RANBP17: variants seen among roughly 807,000 people sequenced by gnomAD.
RANBP17 encodes the protein ran-binding protein 17.
A neutral mutation model predicts 141.2 loss-of-function variants in RANBP17; 158 were observed. That is an observed-to-expected ratio of 1.12 (90% CI 0.98 to 1.28). The LOEUF (loss-of-function observed/expected upper bound fraction) is 1.28. Among genes scored for constraint, RANBP17 ranks in the 50% most tolerant of loss-of-function variants. The probability of loss-of-function intolerance (pLI) is 0.00; values close to 1 mark genes in which losing one functional copy is unlikely to be tolerated. For synonymous variants in RANBP17, 430 were observed against 450.0 expected (o/e 0.96, Z 0.56); for missense variants, 1,438 against 1,290.7 (o/e 1.11, Z -1.75).
chr5:170,978,792 A>ATATGTATATATATGTATG (rs1480856452), intron 14 of RANBP17, among the ~76,000 whole-genome samples: 155 of 93,506 alleles, frequency 1.7e-3, no homozygotes, highest in African/African-American at 4.3e-3. Context: ...AAATGAGTGT[A>ATATGTATATATATGTATG]TACATATATA....
At chr5:170,946,641 A>G (rs1239943466) in intron 12 of RANBP17, among the ~76,000 whole-genome samples, 1 of 152,154 alleles carries the variant, frequency 6.6e-6, no homozygotes, top group African/African-American at 2.4e-5. Context: ...TTTTTTAAGT[A>G]TGTTTCTGTA....
chr5:171,202,475 A>T (rs915437355), intron 19 of RANBP17, among the ~76,000 whole-genome samples: 1 of 152,198 alleles, frequency 6.6e-6, no homozygotes, highest in African/African-American at 2.4e-5. Flanking sequence ...AAACTCCACA[A>T]TGTTAAATTA....
chr5:171,213,851 G>C, intron 21 of RANBP17, 113 bp downstream of exon 21: 1 of 794,250 alleles, frequency 1.3e-6, no homozygotes, highest in Non-Finnish European at 2.2e-6. Flanking sequence ...AAGAGCCCAG[G>C]AACCAAGACT....
chr5:171,152,165 C>G (rs1392649391), intron 14 of RANBP17, among the ~76,000 whole-genome samples: 1 of 151,820 alleles, frequency 6.6e-6, no homozygotes, highest in East Asian at 1.9e-4. Context: ...GTAATCCCAG[C>G]ACTTTGGGAG....
intron 14 of RANBP17, among the ~76,000 whole-genome samples, chr5:171,093,660 G>A (rs1352804627): frequency 2.0e-5 from 3 of 152,130 alleles, no homozygotes; most frequent in African/African-American, 7.2e-5. Context: ...AAATTTATTG[G>A]TTATTTTCAG....
intron 24 of RANBP17, among the ~76,000 whole-genome samples, chr5:171,251,252 C>CT (rs1408301154): frequency 2.9e-4 from 43 of 147,364 alleles, no homozygotes; most frequent in Admixed American, 1.6e-3. Context: ...CCATGCCCAG[C>CT]TTTTTTTTTT....
intron 9 of RANBP17, 45 bp from the exon 10 acceptor site, chr5:170,918,668 T>C: frequency 6.5e-7 from 1 of 1,531,118 alleles, no homozygotes; most frequent in Non-Finnish European, 8.8e-7. Context: ...TTATTGTCCA[T>C]AGGTTGGCTT....
At chr5:171,034,048 G>A (rs1204781226) in intron 14 of RANBP17, among the ~76,000 whole-genome samples, 1 of 152,054 alleles carries the variant, frequency 6.6e-6, no homozygotes, top group East Asian at 1.9e-4. Flanking sequence ...GGAGTTTGAG[G>A]CTCTAGTGAA....
At chr5:170,958,264 A>T (rs1775881889) in intron 13 of RANBP17, among the ~76,000 whole-genome samples, 1 of 152,100 alleles carries the variant, frequency 6.6e-6, no homozygotes, top group South Asian at 2.1e-4. Flanking sequence ...CTCTTTGAGG[A>T]GCTGCTGGGA....
chr5:170,888,038 G>T (rs1472390678), intron 3 of RANBP17, among the ~76,000 whole-genome samples: 1 of 152,190 alleles, frequency 6.6e-6, no homozygotes, highest in East Asian at 1.9e-4. Context: ...TGTAGCTGTT[G>T]ATGTGTCATT....
chr5:170,862,134 C>T (rs1363322882), intron 1 of RANBP17, 83 bp downstream of exon 1: 4 of 1,341,844 alleles, frequency 3.0e-6, no homozygotes, highest in Non-Finnish European at 2.9e-6. Flanking sequence ...GGGCCGAGGA[C>T]AGCGGCGGAG....
intron 19 of RANBP17, among the ~76,000 whole-genome samples, chr5:171,204,270 T>C (rs1222570964): frequency 6.6e-6 from 1 of 152,176 alleles, no homozygotes; most frequent in Non-Finnish European, 1.5e-5. Flanking sequence ...ATAAATAACA[T>C]CCAGTTATAT....
chr5:171,039,245 G>GTTTTTTT (rs57258448), intron 14 of RANBP17, among the ~76,000 whole-genome samples: 12 of 125,422 alleles, frequency 9.6e-5, no homozygotes, highest in African/African-American at 1.8e-4. Flanking sequence ...TCTGTTGTTG[G>GTTTTTTT]TTTTTTTTTT....
chr5:170,919,674 A>T, intron 11 of RANBP17, 61 bp downstream of exon 11: 1 of 1,334,334 alleles, frequency 7.5e-7, no homozygotes, highest in East Asian at 2.4e-5. Flanking sequence ...TTTTTAAGAT[A>T]AAGTTATAAA....
chr5:170,952,597 G>A (rs1039676455), intron 12 of RANBP17, among the ~76,000 whole-genome samples: 3 of 151,934 alleles, frequency 2.0e-5, no homozygotes, highest in African/African-American at 7.2e-5. Flanking sequence ...TCCTTTCTGA[G>A]TCTTCTAACA....
rs189991186 is a variant in RANBP17 at position 170,976,672 on chromosome 5, C to T, written c.1710+8295C>T. ...AGTGTGGTAAGCATATACATATAAA[C>T]GAATGAAATAGAATGGAGAGTCCAG... On this transcript the variant is annotated intron_variant, in intron 14 of 27. Transcript: ENST00000523189. 4.1e-3 allele frequency among the ~76,000 whole-genome samples: 618 copies of T among 152,124 alleles called. 5 individuals carry two copies. Among genetic ancestry groups the T allele is most frequent in the African/African-American group, 0.014 (595 of 41,546 alleles).
rs551455812 is a variant in RANBP17, at chr5:171,179,534, A to T, written c.1866-3633A>T. Reference sequence around the variant, plus strand: ...GAACTTTCTTCTTTCATCAGGATCTAACTCTGTCTGCAAAAAGTGTCTATG... The same window carrying T: ...GAACTTTCTTCTTTCATCAGGATCTTACTCTGTCTGCAAAAAGTGTCTATG... On this transcript the variant is annotated intron_variant, in intron 16 of 27. Coordinates refer to ENST00000523189, the MANE Select transcript of RANBP17 (RefSeq NM_022897.5). Among the ~76,000 whole-genome samples the T allele has an allele frequency of 8.3e-4, 126 of 152,288 alleles. 1 individual carries two copies. The highest frequency in any genetic ancestry group is 1.7e-3 in the Non-Finnish European group (113 of 68,000).
intron 5 of RANBP17, 98 bp from the exon 6 acceptor site, chr5:170,909,563 A>G (rs147241895): frequency 1.2e-4 from 77 of 620,220 alleles, no homozygotes; most frequent in Non-Finnish European, 2.0e-4. Flanking sequence ...CTTGGGTTCT[A>G]CTCAAGTTTA....
chr5:171,141,018 G>A (rs955885993), intron 14 of RANBP17, among the ~76,000 whole-genome samples: 4 of 152,164 alleles, frequency 2.6e-5, no homozygotes, highest in Non-Finnish European at 1.5e-5. Flanking sequence ...ACAGCTCTGA[G>A]GCCATTCTGT....
Sources: gnomAD v4.1 joint callset for allele counts (sites outside exome capture counted in the v4.1 genomes callset) on GRCh38, gnomAD v4.1.1 for gene constraint, MANE v1.5 for transcripts, NCBI Gene and HGNC (gene_info 2026-07-23, HGNC 2026-07-21) for gene names.